Variants in SLC9B1 observed in about 807,000 individuals in gnomAD.
The protein encoded by SLC9B1 is sodium/hydrogen exchanger 9B1.
A neutral mutation model predicts 51.7 loss-of-function variants in SLC9B1; 32 were observed. The ratio of observed to expected loss-of-function variants is 0.62; its 90% confidence interval spans 0.47 to 0.83. The LOEUF (loss-of-function observed/expected upper bound fraction) is 0.83. SLC9B1 is among the 40% of genes least tolerant of loss of function. The pLI, the probability that SLC9B1 is intolerant of heterozygous loss-of-function variation, is 0.00. For synonymous variants in SLC9B1, 145 were observed against 212.7 expected, an observed-to-expected ratio of 0.68 and a Z score of 2.77; for missense variants, 406 against 613.2, an observed-to-expected ratio of 0.66 and a Z score of 3.57.
At chr4:103,010,071 G>T (rs1031530662) in intron 1 of SLC9B1, among the ~76,000 whole-genome samples, 1 of 152,176 alleles carries the variant, frequency 6.6e-6, no homozygotes, top group Non-Finnish European at 1.5e-5. Context: ...ATAGTACCTT[G>T]ATTTTAAACC....
At chr4:102,925,300 A>G (rs544195870) in intron 7 of SLC9B1, among the ~76,000 whole-genome samples, 11 of 152,248 alleles carry the variant, frequency 7.2e-5, no homozygotes, top group African/African-American at 2.6e-4. Flanking sequence ...AAACTATCAC[A>G]AGGACAGAAA....
intron 7 of SLC9B1, among the ~76,000 whole-genome samples, chr4:102,924,885 C>A (rs1736077999): frequency 6.6e-6 from 1 of 152,112 alleles, no homozygotes; most frequent in Non-Finnish European, 1.5e-5. Flanking sequence ...GAATGGTGAT[C>A]ATTAAAAAGT....
chr4:102,938,689 A>G (rs1201722233), intron 6 of SLC9B1, among the ~76,000 whole-genome samples: 1 of 152,206 alleles, frequency 6.6e-6, no homozygotes, highest in East Asian at 1.9e-4. Flanking sequence ...TTGGACCCGC[A>G]GTGTAATAAA....
At chr4:102,950,908 T>C (rs1261001338) in intron 3 of SLC9B1, among the ~76,000 whole-genome samples, 1 of 152,134 alleles carries the variant, frequency 6.6e-6, no homozygotes, top group African/African-American at 2.4e-5. Context: ...GGTAGGAGAA[T>C]TGCTTAAACC....
chr4:102,969,432 A>G (rs957163597), intron 3 of SLC9B1, among the ~76,000 whole-genome samples: 3 of 152,248 alleles, frequency 2.0e-5, no homozygotes, highest in African/African-American at 7.2e-5. Context: ...AACAAACAGA[A>G]AGGAACAGCA....
At chr4:102,934,618 T>C (rs188130815) in intron 6 of SLC9B1, among the ~76,000 whole-genome samples, 183 of 152,050 alleles carry the variant, frequency 1.2e-3, no homozygotes, top group African/African-American at 3.8e-3. Context: ...GTGAAACCAA[T>C]AGCTGGGTGC....
chr4:102,964,755 A>T (rs1049837727), intron 3 of SLC9B1, among the ~76,000 whole-genome samples: 10 of 152,270 alleles, frequency 6.6e-5, no homozygotes, highest in Middle Eastern at 3.4e-3. Flanking sequence ...TCATATATTT[A>T]AAAAAATCTC....
chr4:102,948,903 G>C (rs3974495), intron 4 of SLC9B1, among the ~76,000 whole-genome samples: 87,328 of 151,930 alleles, frequency 0.57, 26,370 homozygotes, highest in African/African-American at 0.78. Flanking sequence ...GAGCCCAAAT[G>C]TCACCATTAT....
At chr4:102,965,598 C>T (rs757052333) in intron 3 of SLC9B1, among the ~76,000 whole-genome samples, 3 of 151,998 alleles carry the variant, frequency 2.0e-5, no homozygotes, top group Non-Finnish European at 2.9e-5. Flanking sequence ...GGCAGAGACA[C>T]GGAAACCATG....
chr4:102,979,730 T>C (rs1009746085), intron 3 of SLC9B1, among the ~76,000 whole-genome samples: 2 of 152,122 alleles, frequency 1.3e-5, no homozygotes, highest in African/African-American at 4.8e-5. Flanking sequence ...ATAGGCTTTA[T>C]TTTTTAGAGC....
intron 5 of SLC9B1, among the ~76,000 whole-genome samples, chr4:102,945,665 A>T (rs1737231541): frequency 6.6e-6 from 1 of 152,170 alleles, no homozygotes; most frequent in Non-Finnish European, 1.5e-5. Flanking sequence ...TTTGATATGA[A>T]CTGTTTGATT....
intron 7 of SLC9B1, among the ~76,000 whole-genome samples, chr4:102,918,978 A>G (rs184244238): frequency 2.6e-5 from 4 of 152,350 alleles, no homozygotes; most frequent in Admixed American, 1.3e-4. Flanking sequence ...CTCTGAAGCA[A>G]TAGCCTGAGC....
At chr4:102,976,867 G>A (rs1279923831) in intron 3 of SLC9B1, among the ~76,000 whole-genome samples, 1 of 152,176 alleles carries the variant, frequency 6.6e-6, no homozygotes, top group African/African-American at 2.4e-5. Flanking sequence ...AATGTTATGG[G>A]CTGGGTGCAA....
intron 1 of SLC9B1, among the ~76,000 whole-genome samples, chr4:103,014,368 C>T (rs1578421890): frequency 6.6e-6 from 1 of 152,206 alleles, no homozygotes; most frequent in African/African-American, 2.4e-5. Flanking sequence ...ATGCTTATCA[C>T]AGCATCCACC....
At chr4:102,967,096 A>G (rs13140518) in intron 3 of SLC9B1, among the ~76,000 whole-genome samples, 2 of 142,820 alleles carry the variant, frequency 1.4e-5, no homozygotes, top group Admixed American at 7.1e-5. Context: ...TTTCTATCTG[A>G]GATCTCATTA....
chr4:102,925,630 C>T (rs1407184199), intron 7 of SLC9B1, among the ~76,000 whole-genome samples: 2 of 149,958 alleles, frequency 1.3e-5, no homozygotes, highest in Admixed American at 6.7e-5. Flanking sequence ...TCCAGAGATA[C>T]TTCTCTACTT....
rs576426602 is a variant in SLC9B1, at chr4:102,968,817, G to A, written c.212-19390C>T. ...TGACAGACGGTACCTGGAAAATCTGGACACTCCCACCCTAATACTATGCTT... is the reference window on the plus strand; with the variant it reads ...TGACAGACGGTACCTGGAAAATCTGAACACTCCCACCCTAATACTATGCTT... On this transcript the variant is annotated intron_variant, in intron 3 of 11. Transcript: ENST00000296422. Among the ~76,000 whole-genome samples, 4 of 152,278 alleles carry A rather than the reference G, an allele frequency of 2.6e-5. No individual in the cohort carries two copies. The East Asian group carries it at 5.8e-4, about 22-fold the overall frequency.
At chr4:103,009,397 T>C (rs1740975613) in intron 1 of SLC9B1, among the ~76,000 whole-genome samples, 1 of 152,240 alleles carries the variant, frequency 6.6e-6, no homozygotes, top group Admixed American at 6.5e-5. Context: ...ATTTACTTTG[T>C]AGCCCAGCTA....
chr4:102,999,918 T>C (rs1740431044), intron 1 of SLC9B1, among the ~76,000 whole-genome samples: 1 of 152,180 alleles, frequency 6.6e-6, no homozygotes, highest in African/African-American at 2.4e-5. Flanking sequence ...TCAACATGGC[T>C]GAGGAGGCTT....
Sources: gnomAD v4.1 joint callset for allele counts (sites outside exome capture counted in the v4.1 genomes callset) on GRCh38, gnomAD v4.1.1 for gene constraint, MANE v1.5 for transcripts, NCBI Gene and HGNC (gene_info 2026-07-23, HGNC 2026-07-21) for gene names.